The following HSPG2 variants were observed in gnomAD, a reference collection of about 807,000 sequenced individuals.
The protein encoded by HSPG2 is heparan sulfate proteoglycan 2, also known as basement membrane-specific heparan sulfate proteoglycan core protein.
In HSPG2, 278 loss-of-function variants were observed where a neutral mutation model predicts 526.6. The observed-to-expected ratio is 0.53, with a 90% CI of 0.48 to 0.58. The LOEUF is 0.58. Among genes scored for constraint, HSPG2 ranks in the 20% least tolerant of loss-of-function variants. HSPG2 has a pLI of 0.00. For missense variants in HSPG2, 5,354 were observed against 6,099.5 expected, an observed-to-expected ratio of 0.88 and a Z score of 4.07; for synonymous variants, 2,465 against 2,555.4, an observed-to-expected ratio of 0.96 and a Z score of 1.07.
chr1:21,871,814 G>A (rs1366066618), intron 33 of HSPG2, among the ~76,000 whole-genome samples: 1 of 152,224 alleles, frequency 6.6e-6, no homozygotes, highest in Non-Finnish European at 1.5e-5. Context: ...CAGTGTGGAT[G>A]AGTGAAGTCG....
In HSPG2 at chr1:21,834,902, G is replaced by A. The variant is rs758425905; in HGVS notation, c.10497C>T (p.Thr3499=). 60 of 1,613,480 alleles carry A rather than the reference G, an allele frequency of 3.7e-5. No individual in the cohort carries two copies. The highest frequency in any genetic ancestry group is 4.5e-5 in the Non-Finnish European group (53 of 1,179,810). Residue 3499 remains threonine (T), a synonymous_variant, in exon 77 of 97, where the codon ACC becomes ACT. Coordinates refer to ENST00000374695, the MANE Select transcript of HSPG2 (RefSeq NM_005529.7). The stretch of plus-strand genomic sequence containing the variant: ...ACTCCACGGCGTGGCCAACCACCAC[G>A]GTCTGCACAGAGGTCCGGATGTTGA... ...VLINIRTSVQ[T]VVVGHAVEFE... is the part of the protein sequence containing the mutation.
intron 74 of HSPG2, among the ~76,000 whole-genome samples, chr1:21,837,544 C>T (rs2098031566): frequency 6.6e-6 from 1 of 151,994 alleles, no homozygotes; most frequent in Non-Finnish European, 1.5e-5. Context: ...CTGCCTCGGC[C>T]TCCCAAGGTG....
rs762082114 is a variant in HSPG2 at position 21,896,166 on chromosome 1, T to C, written c.199+9A>G. Reference sequence around the variant, plus strand: ...CCCCTCTGCTCCCAGCCTTGGATCCTTGGCTCACCTCCTGAGATGCTGTCA... The same window carrying C: ...CCCCTCTGCTCCCAGCCTTGGATCCCTGGCTCACCTCCTGAGATGCTGTCA... On this transcript the variant is annotated intron_variant, in intron 2 of 96. Coordinates refer to ENST00000374695, the MANE Select transcript of HSPG2 (RefSeq NM_005529.7). 6.8e-6 allele frequency: 11 copies of C among 1,613,434 alleles called. No individual in the cohort carries two copies. The highest frequency in any genetic ancestry group is 1.1e-5 in the South Asian group (1 of 91,056).
chr1:21,859,799 G>A lies in HSPG2; in HGVS notation c.5182+36C>T. 1 of 1,607,734 alleles carries A rather than the reference G, an allele frequency of 6.2e-7. No individual in the cohort carries two copies. Among genetic ancestry groups the A allele is most frequent in the Non-Finnish European group, 8.5e-7 (1 of 1,178,148 alleles). ...CCCCTGCCTCCCCTCCCACTGGGAT[G>A]GCTCTTGGGGCTGAGGAGCCTAGGG... On this transcript the variant is annotated intron_variant, in intron 41 of 96. Coordinates refer to ENST00000374695, the MANE Select transcript of HSPG2 (RefSeq NM_005529.7). The surrounding 1 kb of genome is among the most constrained non-coding windows in gnomAD (Gnocchi z 5.3).
In HSPG2 at chr1:21,874,450, C is replaced by T. The variant is rs768857631; in HGVS notation, c.3612G>A (p.Gln1204=). 2 of 1,612,056 alleles carry T rather than the reference C, an allele frequency of 1.2e-6. No individual in the cohort carries two copies. Among genetic ancestry groups the T allele is most frequent in the Admixed American group, 3.3e-5 (2 of 59,994 alleles). Residue 1204 remains glutamine, a synonymous_variant, in exon 28 of 97, where the codon CAG becomes CAA. Coordinates refer to ENST00000374695, the MANE Select transcript of HSPG2 (RefSeq NM_005529.7). ...YYGDAQRGTP[Q]DCQLCPCYGD... ...CGTAGCAGGGGCACAGCTGGCAGTC[C>T]TGTGGTGTCCCCCGCTGGGCGTCCC...
chr1:21,874,305 A>G lies in HSPG2; in HGVS notation c.3656+101T>C, dbSNP rs1162337380. ...ACACTGAGCAGGCAGTAAGGCCAGG[A>G]TTTAACCACTGCCTCTCAGAAGGGC... On this transcript the variant is annotated intron_variant, in intron 28 of 96. Coordinates refer to ENST00000374695, the MANE Select transcript of HSPG2 (RefSeq NM_005529.7). 3.3e-6 allele frequency: 5 copies of G among 1,494,544 alleles called. No individual in the cohort carries two copies. In the East Asian group the frequency reaches 1.2e-4, roughly 35 times the overall value. The allele number at this position is 1,494,544 out of a possible 1,614,324, so 92.6% of individuals were successfully genotyped here.
Position 21,865,491 on chromosome 1 carries a change from C to A in HSPG2, c.4315-126G>T. ...ACCTCTCTGCTCTCCCAAGCTCATG[C>A]GCCCAAAGGAGTCAGGCACATGCCC... On this transcript the variant is annotated intron_variant, in intron 34 of 96. Coordinates refer to ENST00000374695, the MANE Select transcript of HSPG2 (RefSeq NM_005529.7). The surrounding 1 kb of genome is among the most constrained non-coding windows in gnomAD (Gnocchi z 5.4). The A allele has an allele frequency of 2.0e-6, 2 of 980,172 alleles. No homozygotes were observed. Among genetic ancestry groups the A allele is most frequent in the Admixed American group, 1.9e-5 (1 of 53,404 alleles). The allele number at this position is 980,172 out of a possible 1,614,324, so 60.7% of individuals were successfully genotyped here. A position where few individuals can be genotyped will look rare whatever the true frequency, so the allele number is the denominator to read the frequency against.
chr1:21,892,534 T>C (rs1283517700), intron 3 of HSPG2, among the ~76,000 whole-genome samples: 2 of 152,242 alleles, frequency 1.3e-5, no homozygotes, highest in Non-Finnish European at 2.9e-5. Flanking sequence ...ACCCTGCAGC[T>C]GGTGCCTGAG....
At chr1:21,935,901 G>A (rs948828423) in intron 1 of HSPG2, among the ~76,000 whole-genome samples, 2 of 152,116 alleles carry the variant, frequency 1.3e-5, no homozygotes, top group Admixed American at 1.3e-4. Context: ...TGGGGATGGG[G>A]GAGGAGAAGT....
chr1:21,835,590 G>A lies in HSPG2; in HGVS notation c.10403C>T (p.Ala3468Val), dbSNP rs1298866394. Reference protein sequence around the residue: ...QSCQGTYICQAHGPWGKAQAS... With the variant: ...QSCQGTYICQVHGPWGKAQAS... ...CTGGGCCTTCCCCCAAGGTCCATGGGCCTGGCATATATACGTCCCTTGGCA... is the reference window on the plus strand; with the variant it reads ...CTGGGCCTTCCCCCAAGGTCCATGGACCTGGCATATATACGTCCCTTGGCA... Residue 3468 changes from alanine to valine, a missense_variant, in exon 76 of 97, where the codon GCC becomes GTC. Physicochemically the swap from Ala to Val is moderately conservative, Grantham distance 64 (BLOSUM62 0). Coordinates refer to ENST00000374695, the MANE Select transcript of HSPG2 (RefSeq NM_005529.7). The A allele has an allele frequency of 1.2e-6, 2 of 1,613,972 alleles. No homozygotes were observed. Among genetic ancestry groups the A allele is most frequent in the Admixed American group, 3.3e-5 (2 of 60,004 alleles).
rs1308993838 is a variant in HSPG2 at position 21,828,316 on chromosome 1, A to C, written c.12348T>G (p.Gly4116=). The change falls in exon 89 of 97, where the codon GGT becomes GGG. Residue 4116 remains glycine, a synonymous_variant. Transcript: ENST00000374695. This position sits in a 1 kb window ranked among gnomAD's most constrained non-coding sequence, Gnocchi z 6.0. The part of the protein sequence containing the change: ...SPCERQPCQH[G]ATCMPAGEYE... ...ACTCGCCAGCGGGCATGCACGTGGCACCATGTTGGCAAGGCTGGCGCTCAC... is the reference window on the plus strand; with the variant it reads ...ACTCGCCAGCGGGCATGCACGTGGCCCCATGTTGGCAAGGCTGGCGCTCAC... 6.2e-7 allele frequency: 1 copy of C among 1,613,830 alleles called. No individual in the cohort carries two copies. Among genetic ancestry groups the C allele is most frequent in the Non-Finnish European group, 8.5e-7 (1 of 1,180,040 alleles).
At chr1:21,841,925 C>T (rs375109511) in intron 69 of HSPG2, 77 bp downstream of exon 69, 1 of 1,585,290 alleles carries the variant, frequency 6.3e-7, no homozygotes, top group African/African-American at 1.3e-5. Context: ...GACTTCTGCC[C>T]CACCCTTGCA....
intron 86 of HSPG2, 43 bp downstream of exon 86, chr1:21,829,950 C>A: frequency 6.6e-7 from 1 of 1,505,910 alleles, no homozygotes; most frequent in Non-Finnish European, 9.1e-7. Flanking sequence ...GCCTCCCCAG[C>A]TGACACTAGG....
chr1:21,843,116 T>C (rs1327777406), intron 66 of HSPG2, among the ~76,000 whole-genome samples, 181 bp downstream of exon 66: 1 of 152,074 alleles, frequency 6.6e-6, no homozygotes, highest in Admixed American at 6.5e-5. Flanking sequence ...GGGGTCCCCC[T>C]GGTTGAGGGG....
In HSPG2 at chr1:21,865,163, C is replaced by T; in HGVS notation, c.4396-90G>A. ...CCCCCCAAATCCTGCCTTACAGGCA[C>T]TGACTGAGGGCTGCCAGGTGAAGGT... On this transcript the variant is annotated intron_variant, in intron 35 of 96. Transcript: ENST00000374695. The surrounding 1 kb of genome is among the most constrained non-coding windows in gnomAD (Gnocchi z 5.4). 1 of 1,522,320 alleles carries T rather than the reference C, an allele frequency of 6.6e-7. No homozygotes were observed. The highest frequency in any genetic ancestry group is 9.1e-7 in the Non-Finnish European group (1 of 1,098,128). 94.3% of individuals were successfully genotyped at this position (1,522,320 alleles called of 1,614,324 possible). A position where few individuals can be genotyped will look rare whatever the true frequency, so the allele number is the denominator to read the frequency against.
chr1:21,829,084 G>C lies in HSPG2; in HGVS notation c.11993-5C>G, dbSNP rs1018488809. 14 of 1,535,810 alleles carry C rather than the reference G, an allele frequency of 9.1e-6. No homozygotes were observed. The highest frequency in any genetic ancestry group is 2.0e-5 in the Admixed American group (1 of 50,872). On this transcript the variant is annotated splice_polypyrimidine_tract_variant and splice_region_variant and intron_variant, in intron 87 of 96. Coordinates refer to ENST00000374695, the MANE Select transcript of HSPG2 (RefSeq NM_005529.7). ...CGCTCCGCAGAACGGCCAGCCCTGG[G>C]GAGGATGCCAGGCAGGGTTGGGCAC...
rs1638633879 is a variant in HSPG2, at chr1:21,848,578, C to A, written c.7737+65G>T. 2 of 1,543,242 alleles carry A rather than the reference C, an allele frequency of 1.3e-6. No individual in the cohort carries two copies. The highest frequency in any genetic ancestry group is 3.3e-5 in the Admixed American group (2 of 59,906). Reference sequence around the variant, plus strand: ...GAGCACAGAGTGAGGTGCTGAGAGTCCCCCCTCTTCCCATTGGGGGCTGGT... The same window carrying A: ...GAGCACAGAGTGAGGTGCTGAGAGTACCCCCTCTTCCCATTGGGGGCTGGT... On this transcript the variant is annotated intron_variant, in intron 59 of 96. Coordinates refer to ENST00000374695, the MANE Select transcript of HSPG2 (RefSeq NM_005529.7). The surrounding 1 kb of genome is among the most constrained non-coding windows in gnomAD (Gnocchi z 4.9).
chr1:21,853,213 C>A, intron 50 of HSPG2, 143 bp from the exon 51 acceptor site: 2 of 1,138,962 alleles, frequency 1.8e-6, no homozygotes, highest in Non-Finnish European at 2.5e-6. Flanking sequence ...CACCCTTCTG[C>A]CTCCACATGG....
Position 21,898,858 on chromosome 1 carries a change from C to T in HSPG2, c.64-2548G>A, listed in dbSNP as rs896153968. ...ACTCCCAGCATCTCCTAGACACTGC[C>T]GTCTGGAAAGGAAAACCTAGCGGTG... On this transcript the variant is annotated intron_variant, in intron 1 of 96. Transcript: ENST00000374695. The surrounding 1 kb of genome is among the most constrained non-coding windows in gnomAD (Gnocchi z 4.0). Among the ~76,000 whole-genome samples, 91 of 152,346 alleles carry T rather than the reference C, an allele frequency of 6.0e-4. No individual in the cohort carries two copies. Among genetic ancestry groups the T allele is most frequent in the African/African-American group, 1.8e-3 (76 of 41,578 alleles).
Sources: allele counts gnomAD v4.1 joint callset (sites outside exome capture counted in the v4.1 genomes callset), GRCh38; gene constraint gnomAD v4.1.1; non-coding constraint Gnocchi (gnomAD v3.1); transcripts MANE v1.5; gene names NCBI Gene and HGNC (gene_info 2026-07-23, HGNC 2026-07-21).